Variants in CUZD1 observed in about 807,000 individuals in gnomAD.
CUZD1 encodes CUB and zona pellucida like domains 1.
CUZD1 carries 42 observed loss-of-function variants against 53.1 expected under a neutral mutation model. The ratio of observed to expected loss-of-function variants is 0.79; its 90% confidence interval spans 0.62 to 1.02. The LOEUF (loss-of-function observed/expected upper bound fraction) is 1.02. Among genes scored for constraint, CUZD1 ranks in the 50% least tolerant of loss-of-function variants. The probability of loss-of-function intolerance (pLI) is 0.00; values close to 1 mark genes in which losing one functional copy is unlikely to be tolerated. For missense variants in CUZD1, 670 were observed against 715.7 expected (o/e 0.94, Z 0.73); for synonymous variants, 238 against 257.2 (o/e 0.93, Z 0.71).
intron 1 of CUZD1, 74 bp from the exon 2 acceptor site, chr10:122,841,402 C>T: frequency 1.4e-6 from 2 of 1,429,024 alleles, no homozygotes; most frequent in South Asian, 3.0e-5. Flanking sequence ...AGGAATCTAC[C>T]TCTCACATGT....
intron 2 of CUZD1, 84 bp downstream of exon 2, chr10:122,841,094 T>G (rs1226025161): frequency 7.7e-7 from 1 of 1,303,660 alleles, no homozygotes; most frequent in Non-Finnish European, 1.1e-6. Flanking sequence ...AGCAGCTGAA[T>G]TCTTTCTACA....
intron 6 of CUZD1, among the ~76,000 whole-genome samples, chr10:122,835,375 C>T (rs769046157): frequency 6.6e-6 from 1 of 152,142 alleles, no homozygotes; most frequent in Non-Finnish European, 1.5e-5. Flanking sequence ...TTGCAAATTT[C>T]CAGTCTTAAA....
Position 122,835,087 on chromosome 10 carries a change from TG to T in CUZD1, c.1000del (p.Gln334SerfsTer8). 1 of 1,566,346 alleles carries T rather than the reference TG, an allele frequency of 6.4e-7. No individual in the cohort carries two copies. The highest frequency in any genetic ancestry group is 8.6e-7 in the Non-Finnish European group (1 of 1,156,378). ...GATTATATTGGTGTAAGTAATTGAC[TG>T]ATCTTCTACCTGCAGAACGAGATAG... ...GCGTIRKVED[Q>X]SITYTNIITF... On this transcript the variant is annotated frameshift_variant, in exon 7 of 9. Coordinates refer to ENST00000392790, the MANE Select transcript of CUZD1 (RefSeq NM_022034.6). LOFTEE classifies it high-confidence loss of function.
At chr10:122,838,865 T>C (rs761439343) in intron 3 of CUZD1, 152 bp downstream of exon 3, 4 of 627,950 alleles carry the variant, frequency 6.4e-6, no homozygotes, top group Non-Finnish European at 1.1e-5. Context: ...ATGATTCTTA[T>C]GCACATGTAA....
intron 3 of CUZD1, 94 bp from the exon 4 acceptor site, chr10:122,837,648 G>T: frequency 8.4e-7 from 1 of 1,196,774 alleles, no homozygotes; most frequent in Non-Finnish European, 1.2e-6. Context: ...CATCTCTCCT[G>T]AGTATGATTC....
At position 122,845,808 on chromosome 10, in the gene CUZD1, G is replaced by A. The variant is rs377326883; in HGVS notation, c.36C>T (p.Leu12=). The change falls in exon 1 of 9, where the codon CTC becomes CTT. Residue 12 remains leucine (L), a synonymous_variant. Coordinates refer to ENST00000392790, the MANE Select transcript of CUZD1 (RefSeq NM_022034.6). The part of the protein sequence containing the change: ...ELVRRLMPLT[L]LILSCLAELT... Reference sequence around the variant, plus strand: ...GCTCCGCCAAACAGGAGAGAATTAAGAGGGTCAATGGCATGAGCCTTCTTA... The same window carrying A: ...GCTCCGCCAAACAGGAGAGAATTAAAAGGGTCAATGGCATGAGCCTTCTTA... 48 of 1,614,028 alleles carry A rather than the reference G, an allele frequency of 3.0e-5. No homozygotes were observed. The highest frequency in any genetic ancestry group is 1.7e-5 in the Admixed American group (1 of 60,006).
chr10:122,832,536 T>C (rs1480464712), intron 8 of CUZD1, 86 bp from the exon 9 acceptor site: 2 of 1,110,558 alleles, frequency 1.8e-6, no homozygotes, highest in Admixed American at 4.3e-5. Context: ...CCTGTACATA[T>C]CCTATGAATC....
chr10:122,836,424 G>A (rs571987995), intron 5 of CUZD1, 74 bp from the exon 6 acceptor site: 43 of 1,270,836 alleles, frequency 3.4e-5, no homozygotes, highest in Admixed American at 2.1e-4. Flanking sequence ...GAAGAGCTAC[G>A]TGTGCAAGTA....
In CUZD1 at chr10:122,835,082, TTGAC is replaced by T; in HGVS notation, c.1002_1005del (p.Ser335LeufsTer6). 1 of 1,568,416 alleles carries T rather than the reference TTGAC, an allele frequency of 6.4e-7. No individual in the cohort carries two copies. The highest frequency in any genetic ancestry group is 1.2e-5 in the South Asian group (1 of 83,140). On this transcript the variant is annotated frameshift_variant, in exon 7 of 9. Coordinates refer to ENST00000392790, the MANE Select transcript of CUZD1 (RefSeq NM_022034.6). LOFTEE classifies it high-confidence loss of function. ...AAGGTGATTATATTGGTGTAAGTAA[TTGAC>T]TGATCTTCTACCTGCAGAACGAGAT...
chr10:122,833,148 C>T (rs891984422), intron 8 of CUZD1, among the ~76,000 whole-genome samples: 3 of 152,084 alleles, frequency 2.0e-5, no homozygotes, highest in African/African-American at 4.8e-5. Context: ...ATGAACCTTC[C>T]TTGAGTATTT....
chr10:122,842,195 C>G (rs993765326), intron 1 of CUZD1, among the ~76,000 whole-genome samples: 1 of 152,158 alleles, frequency 6.6e-6, no homozygotes, highest in Non-Finnish European at 1.5e-5. Flanking sequence ...ACTCTTTGCT[C>G]AACCCCAGGT....
chr10:122,841,055 T>C (rs1054820684), intron 2 of CUZD1, 123 bp downstream of exon 2: 1 of 879,506 alleles, frequency 1.1e-6, no homozygotes, highest in Non-Finnish European at 1.8e-6. Flanking sequence ...ATCATCACGA[T>C]GGTTGTCAGT....
chr10:122,837,142 A>ATT, intron 4 of CUZD1, 94 bp from the exon 5 acceptor site: 3 of 1,024,944 alleles, frequency 2.9e-6, no homozygotes, highest in Non-Finnish European at 1.4e-6. Context: ...GTGATTATGG[A>ATT]TTTTTTTTTT....
chr10:122,833,014 C>T (rs926272146), intron 8 of CUZD1, among the ~76,000 whole-genome samples: 2 of 152,214 alleles, frequency 1.3e-5, no homozygotes, highest in African/African-American at 4.8e-5. Context: ...CAGAACCATA[C>T]TCCTTTATAG....
chr10:122,844,914 T>C (rs1847412428), intron 1 of CUZD1, among the ~76,000 whole-genome samples: 1 of 152,154 alleles, frequency 6.6e-6, no homozygotes, highest in African/African-American at 2.4e-5. Context: ...CACTAAAACC[T>C]TGGTGTAAAT....
At chr10:122,843,810 C>CATAT (rs61634361) in intron 1 of CUZD1, among the ~76,000 whole-genome samples, 1,861 of 137,308 alleles carry the variant, frequency 0.014, 20 homozygotes, top group African/African-American at 0.029. Flanking sequence ...TATATACATA[C>CATAT]ATATATATAT....
chr10:122,834,800 T>C lies in CUZD1; in HGVS notation c.1288A>G (p.Thr430Ala), dbSNP rs892712444. The C allele has an allele frequency of 3.1e-6, 5 of 1,613,710 alleles. No homozygotes were observed. Among genetic ancestry groups the C allele is most frequent in the Non-Finnish European group, 4.2e-6 (5 of 1,179,816 alleles). Residue 430 changes from threonine (T) to alanine (A), a missense_variant, in exon 7 of 9, where the codon ACC (threonine) becomes GCC (alanine). Physicochemically the swap from Thr to Ala is moderately conservative, Grantham distance 58. Transcript: ENST00000392790. Reference sequence around the variant, plus strand: ...AACACCACCAAATTTGGATCTGAGGTGTGCAGACTAACTTGAACAAAAAGA... The same window carrying C: ...AACACCACCAAATTTGGATCTGAGGCGTGCAGACTAACTTGAACAAAAAGA... Reference protein sequence around the residue: ...QTLFVQVSLHTSDPNLVVFLD... With the variant: ...QTLFVQVSLHASDPNLVVFLD...
chr10:122,832,515 C>G, intron 8 of CUZD1, 65 bp from the exon 9 acceptor site: 1 of 1,429,308 alleles, frequency 7.0e-7, no homozygotes, highest in Non-Finnish European at 9.8e-7. Flanking sequence ...ATGTTGGTAG[C>G]TTTTATAATA....
chr10:122,841,917 CT>C (rs1208716184), intron 1 of CUZD1, among the ~76,000 whole-genome samples: 1 of 151,996 alleles, frequency 6.6e-6, no homozygotes, highest in Non-Finnish European at 1.5e-5. Context: ...TCTATATATC[CT>C]TTTTGGTAAG....
Sources: allele counts gnomAD v4.1 joint callset (sites outside exome capture counted in the v4.1 genomes callset), GRCh38; gene constraint gnomAD v4.1.1; transcripts MANE v1.5; gene names NCBI Gene and HGNC (gene_info 2026-07-23, HGNC 2026-07-21).